The following PRCP variants were observed in gnomAD, a reference collection of about 807,000 sequenced individuals.
The protein encoded by PRCP is lysosomal Pro-X carboxypeptidase.
In PRCP, 46 loss-of-function variants were observed where a neutral mutation model predicts 54.2. The ratio of observed to expected loss-of-function variants is 0.85; its 90% confidence interval spans 0.67 to 1.09. PRCP has a LOEUF of 1.09. Ranked by LOEUF, PRCP falls within the 50% of genes least tolerant of loss-of-function variation. The pLI is 0.00. For synonymous variants in PRCP, 240 were observed against 212.2 expected (o/e 1.13, Z -1.14); for missense variants, 613 against 596.8 (o/e 1.03, Z -0.28).
intron 1 of PRCP, among the ~76,000 whole-genome samples, chr11:82,884,006 AAAGG>A: frequency 6.6e-6 from 1 of 152,318 alleles, no homozygotes; most frequent in South Asian, 2.1e-4. Context: ...CTGCTCCCTC[AAAGG>A]AAGAGGCCAT....
At chr11:82,888,704 A>T (rs1859927204) in intron 1 of PRCP, among the ~76,000 whole-genome samples, 1 of 152,224 alleles carries the variant, frequency 6.6e-6, no homozygotes, top group Non-Finnish European at 1.5e-5. Flanking sequence ...TAAAACAGGT[A>T]GGTCTGTCTT....
chr11:82,871,319 T>C (rs1464464412), intron 1 of PRCP, among the ~76,000 whole-genome samples: 4 of 151,898 alleles, frequency 2.6e-5, no homozygotes, highest in Non-Finnish European at 5.9e-5. Context: ...GCTGCGACTA[T>C]GGGCGTGCCC....
At chr11:82,862,561 TG>T (rs1299506197) in intron 1 of PRCP, among the ~76,000 whole-genome samples, 1 of 152,038 alleles carries the variant, frequency 6.6e-6, no homozygotes, top group Non-Finnish European at 1.5e-5. Flanking sequence ...CTAAAACAGA[TG>T]GGACTTCCTG....
At chr11:82,833,219 A>G (rs142636802) in intron 8 of PRCP, among the ~76,000 whole-genome samples, 30 of 152,212 alleles carry the variant, frequency 2.0e-4, no homozygotes, top group Admixed American at 4.6e-4. Context: ...TCACAATCTC[A>G]TGGGGCAGAT....
chr11:82,900,153 G>C, intron 1 of PRCP, 82 bp downstream of exon 1: 1 of 1,518,896 alleles, frequency 6.6e-7, no homozygotes. Context: ...TGAATTTCGA[G>C]GTAGGCTCCG....
chr11:82,837,111 G>T, intron 8 of PRCP: 1 of 221,314 alleles, frequency 4.5e-6, no homozygotes. Flanking sequence ...TCCTGCAGAA[G>T]GGCATCCGAC....
At chr11:82,841,649 A>C (rs1858674693) in intron 6 of PRCP, among the ~76,000 whole-genome samples, 1 of 152,244 alleles carries the variant, frequency 6.6e-6, no homozygotes, top group African/African-American at 2.4e-5. Context: ...TGAGGTCATA[A>C]GAATAAGGAA....
At chr11:82,832,985 CT>C (rs980554902) in intron 8 of PRCP, among the ~76,000 whole-genome samples, 5 of 152,140 alleles carry the variant, frequency 3.3e-5, no homozygotes, top group Admixed American at 2.6e-4. Flanking sequence ...AAAAAGATTT[CT>C]TTGTAGAAGT....
At chr11:82,837,035 A>C (rs764615275) in intron 8 of PRCP, 1 of 196,986 alleles carries the variant, frequency 5.1e-6, no homozygotes, top group Non-Finnish European at 1.1e-5. Context: ...GGGCTGGAGG[A>C]AACTAGCCCT....
chr11:82,829,759 A>C (rs1858331241), intron 8 of PRCP: 1 of 152,214 alleles, frequency 6.6e-6, no homozygotes, highest in African/African-American at 2.4e-5. Flanking sequence ...GGCCCAAAAA[A>C]TTTACTGAAT....
intron 1 of PRCP, among the ~76,000 whole-genome samples, chr11:82,870,046 A>G (rs1859442491): frequency 6.6e-6 from 1 of 152,256 alleles, no homozygotes; most frequent in Non-Finnish European, 1.5e-5. Flanking sequence ...GCATTTTACC[A>G]AAGCATATTA....
intron 1 of PRCP, among the ~76,000 whole-genome samples, chr11:82,892,385 A>T (rs973477144): frequency 6.6e-6 from 1 of 152,194 alleles, no homozygotes; most frequent in Admixed American, 6.5e-5. Context: ...CTTCTCATAA[A>T]CAATACCTAG....
chr11:82,875,817 A>G (rs1673347157), intron 1 of PRCP, among the ~76,000 whole-genome samples: 1 of 152,110 alleles, frequency 6.6e-6, no homozygotes, highest in Admixed American at 6.5e-5. Flanking sequence ...AACTCAAGAG[A>G]AGCTGATAAT....
intron 1 of PRCP, among the ~76,000 whole-genome samples, chr11:82,870,706 T>C (rs187408910): frequency 1.3e-5 from 2 of 152,312 alleles, no homozygotes; most frequent in Admixed American, 1.3e-4. Flanking sequence ...ATAAAGCTCC[T>C]GAGGTTGGAG....
In PRCP at chr11:82,849,147, A is replaced by T. The variant is rs768572701; in HGVS notation, c.823T>A (p.Leu275Met). ...CAGGTTTCAGAGATCCAGTCTTTCA[A>T]ATGTTGGATGTCCTGAGAAGTTAAT... The part of the protein sequence containing the change: ...SPLTSQDIQH[L>M]KDWISETWVN... The change falls in exon 6 of 9, where the codon TTG (leucine) becomes ATG (methionine). Residue 275 changes from leucine (L) to methionine (M), a missense_variant. Coordinates refer to ENST00000313010, the MANE Select transcript of PRCP (RefSeq NM_005040.4). 6.2e-7 allele frequency: 1 copy of T among 1,614,144 alleles called. No homozygotes were observed. Among genetic ancestry groups the T allele is most frequent in the Non-Finnish European group, 8.5e-7 (1 of 1,179,986 alleles).
chr11:82,863,003 A>G (rs912008221), intron 1 of PRCP, among the ~76,000 whole-genome samples: 1 of 152,228 alleles, frequency 6.6e-6, no homozygotes, highest in African/African-American at 2.4e-5. Flanking sequence ...GAAGACGGAT[A>G]AGTGATTCCA....
intron 3 of PRCP, 51 bp from the exon 4 acceptor site, chr11:82,850,556 C>T (rs1858931741): frequency 2.2e-6 from 3 of 1,336,196 alleles, no homozygotes; most frequent in Admixed American, 4.8e-5. Context: ...ATAACAGCAG[C>T]TTAGGAATAG....
intron 6 of PRCP, chr11:82,840,452 A>C (rs1342247143): frequency 6.6e-6 from 1 of 152,192 alleles, no homozygotes; most frequent in Non-Finnish European, 1.5e-5. Context: ...TCTGCAATTT[A>C]CTTTAAAATT....
intron 6 of PRCP, among the ~76,000 whole-genome samples, chr11:82,841,694 G>A (rs1185535489): frequency 6.6e-6 from 1 of 152,120 alleles, no homozygotes; most frequent in African/African-American, 2.4e-5. Flanking sequence ...AGAGAGAATT[G>A]AGCTAAACTG....
Sources: gnomAD v4.1 joint callset for allele counts (sites outside exome capture counted in the v4.1 genomes callset) on GRCh38, gnomAD v4.1.1 for gene constraint, MANE v1.5 for transcripts, NCBI Gene and HGNC (gene_info 2026-07-23, HGNC 2026-07-21) for gene names.